The following CRPPA variants were observed in gnomAD, a reference collection of about 807,000 sequenced individuals.
CRPPA encodes the protein CDP-L-ribitol pyrophosphorylase A.
A neutral mutation model predicts 52.0 loss-of-function variants in CRPPA; 43 were observed. That is an observed-to-expected ratio of 0.83 (90% CI 0.65 to 1.07). The LOEUF (loss-of-function observed/expected upper bound fraction) is 1.07. CRPPA is among the 50% of genes least tolerant of loss of function. CRPPA has a pLI of 0.00. For missense variants in CRPPA, 629 were observed against 551.7 expected, an observed-to-expected ratio of 1.14 and a Z score of -1.40; for synonymous variants, 250 against 203.5, an observed-to-expected ratio of 1.23 and a Z score of -1.94.
intron 6 of CRPPA, among the ~76,000 whole-genome samples, chr7:16,274,983 C>T (rs1386882858): frequency 1.3e-5 from 2 of 151,954 alleles, no homozygotes; most frequent in Non-Finnish European, 2.9e-5. Flanking sequence ...GGCTGAGGCA[C>T]GAGAATCATT....
chr7:16,350,195 C>T (rs1786111215), intron 3 of CRPPA, among the ~76,000 whole-genome samples: 2 of 152,032 alleles, frequency 1.3e-5, no homozygotes, highest in East Asian at 3.9e-4. Flanking sequence ...CATTGTCATA[C>T]AAAAGCTGAA....
At chr7:16,333,104 G>A (rs1455792575) in intron 3 of CRPPA, among the ~76,000 whole-genome samples, 2 of 152,158 alleles carry the variant, frequency 1.3e-5, no homozygotes. Context: ...TAACAAGAGA[G>A]GGTGAAAACA....
At chr7:16,362,996 G>C (rs1423128686) in intron 3 of CRPPA, among the ~76,000 whole-genome samples, 1 of 151,824 alleles carries the variant, frequency 6.6e-6, no homozygotes, top group Non-Finnish European at 1.5e-5. Context: ...AAATATAAAA[G>C]AACAGAAGTT....
chr7:16,096,320 C>T (rs1177235952), intron 9 of CRPPA, among the ~76,000 whole-genome samples: 3 of 151,364 alleles, frequency 2.0e-5, no homozygotes, highest in African/African-American at 7.3e-5. Context: ...ATAATTTAAG[C>T]AGACCCAGAA....
At chr7:16,180,506 T>A (rs963680492) in intron 9 of CRPPA, among the ~76,000 whole-genome samples, 5 of 152,138 alleles carry the variant, frequency 3.3e-5, no homozygotes, top group African/African-American at 4.8e-5. Flanking sequence ...GGTAGTTTCA[T>A]CGATCTAGGC....
At chr7:16,286,710 A>T (rs1159796830) in intron 5 of CRPPA, among the ~76,000 whole-genome samples, 2 of 152,202 alleles carry the variant, frequency 1.3e-5, no homozygotes, top group Non-Finnish European at 2.9e-5. Context: ...GGCAACAATC[A>T]TCAAGGAGAC....
rs1265316977 is a variant in CRPPA at position 16,088,758 on chromosome 7, A to G, written c.*2937T>C. 1 of 157,292 alleles carries G rather than the reference A, an allele frequency of 6.4e-6. No homozygotes were observed. Among genetic ancestry groups the G allele is most frequent in the Non-Finnish European group, 1.4e-5 (1 of 70,866 alleles). 9.7% of individuals were successfully genotyped at this position (157,292 alleles called of 1,614,324 possible). On this transcript the variant is annotated 3_prime_UTR_variant, in exon 10 of 10. Transcript: ENST00000407010. ...CAAAATAATTTCTCTTTTGGCCAAT[A>G]CTTCTATTCATTCCCTTAACTTTAG...
At position 16,224,870 on chromosome 7, in the gene CRPPA, T is replaced by C. The variant is rs181125847; in HGVS notation, c.1120-8673A>G. ...AGCTACGCTTAAAATAAGCTTCTAA[T>C]AGTGAACCACTTCATTGTAGAACAA... On this transcript the variant is annotated intron_variant, in intron 8 of 9. Coordinates refer to ENST00000407010, the MANE Select transcript of CRPPA (RefSeq NM_001101426.4). Among the ~76,000 whole-genome samples the C allele has an allele frequency of 2.0e-5, 3 of 152,296 alleles. No homozygotes were observed. The East Asian group carries it at 5.8e-4, about 29-fold the overall frequency.
In CRPPA at chr7:16,348,745, G is replaced by T. The variant is rs1007251475; in HGVS notation, c.684+27347C>A. On this transcript the variant is annotated intron_variant, in intron 3 of 9. Coordinates refer to ENST00000407010, the MANE Select transcript of CRPPA (RefSeq NM_001101426.4). The stretch of plus-strand genomic sequence containing the variant: ...AAAGAAGACAAACAGTAGCCTCTCA[G>T]CAGCCTGAGCCAGGGCACTGCACAT... Among the ~76,000 whole-genome samples, 5 of 152,320 alleles carry T rather than the reference G, an allele frequency of 3.3e-5. No individual in the cohort carries two copies. The East Asian group carries it at 9.7e-4, about 29-fold the overall frequency.
intron 9 of CRPPA, among the ~76,000 whole-genome samples, chr7:16,143,386 G>A (rs1782911049): frequency 6.6e-6 from 1 of 152,108 alleles, no homozygotes; most frequent in South Asian, 2.1e-4. Flanking sequence ...GAAATACAGG[G>A]CAAAGAAAGG....
rs192326349 is a variant in CRPPA at position 16,369,390 on chromosome 7, G to A, written c.684+6702C>T. ...ATCTATGAATAACATTGGTTTCTAA[G>A]TTATGAGTTGATTTTTAACTACTGG... On this transcript the variant is annotated intron_variant, in intron 3 of 9. Transcript: ENST00000407010. Among the ~76,000 whole-genome samples, 794 of 152,326 alleles carry A rather than the reference G, an allele frequency of 5.2e-3. 8 individuals are homozygous for A. Among genetic ancestry groups the A allele is most frequent in the Middle Eastern group, 0.041 (12 of 294 alleles).
chr7:16,348,089 T>C (rs1275760540), intron 3 of CRPPA, among the ~76,000 whole-genome samples: 1 of 152,108 alleles, frequency 6.6e-6, no homozygotes, highest in Non-Finnish European at 1.5e-5. Flanking sequence ...GTAGCTTGTA[T>C]CAAGGAGATA....
intron 9 of CRPPA, among the ~76,000 whole-genome samples, chr7:16,136,440 C>T (rs550382447): frequency 1.3e-5 from 2 of 152,208 alleles, no homozygotes; most frequent in South Asian, 4.1e-4. Context: ...AATAATGGTC[C>T]TGAGTATTAC....
At chr7:16,198,954 A>C (rs1036629193) in intron 9 of CRPPA, among the ~76,000 whole-genome samples, 2 of 152,200 alleles carry the variant, frequency 1.3e-5, no homozygotes, top group African/African-American at 4.8e-5. Context: ...CTCCATCAGC[A>C]GAATAGGAAC....
chr7:16,361,906 G>A (rs1786456915), intron 3 of CRPPA, among the ~76,000 whole-genome samples: 1 of 152,042 alleles, frequency 6.6e-6, no homozygotes, highest in African/African-American at 2.4e-5. Flanking sequence ...CCAGGCTGGA[G>A]CGCAGTGGCT....
At chr7:16,269,304 A>G (rs1784032746) in intron 6 of CRPPA, 1 of 152,166 alleles carries the variant, frequency 6.6e-6, no homozygotes, top group Non-Finnish European at 1.5e-5. Flanking sequence ...AATAACTAAA[A>G]AAAAAAAGAC....
intron 1 of CRPPA, among the ~76,000 whole-genome samples, chr7:16,412,780 C>A (rs188129426): frequency 1.2e-3 from 185 of 152,296 alleles, no homozygotes; most frequent in African/African-American, 4.2e-3. Context: ...CTGTCAAGTT[C>A]TCCTGAATAT....
At chr7:16,291,956 C>A (rs1315888544) in intron 5 of CRPPA, among the ~76,000 whole-genome samples, 2 of 151,840 alleles carry the variant, frequency 1.3e-5, no homozygotes, top group African/African-American at 4.8e-5. Context: ...TTATTTCCAT[C>A]TGGAAGTAGA....
intron 1 of CRPPA, among the ~76,000 whole-genome samples, chr7:16,419,822 T>A (rs1020331177): frequency 6.6e-6 from 1 of 152,144 alleles, no homozygotes; most frequent in African/African-American, 2.4e-5. Flanking sequence ...CTTTTAAAAC[T>A]CCGATCCCGA....
Sources: allele counts gnomAD v4.1 joint callset (sites outside exome capture counted in the v4.1 genomes callset), GRCh38; gene constraint gnomAD v4.1.1; transcripts MANE v1.5; gene names NCBI Gene and HGNC (gene_info 2026-07-23, HGNC 2026-07-21).